The following TENM2 variants were observed in gnomAD, a reference collection of about 807,000 sequenced individuals.
The protein encoded by TENM2 is teneurin-2.
In TENM2, 52 loss-of-function variants were observed where a neutral mutation model predicts 245.2. That is an observed-to-expected ratio of 0.21 (90% CI 0.17 to 0.27). The LOEUF (loss-of-function observed/expected upper bound fraction) is 0.27, where lower values mean the gene tolerates loss of function less well. Ranked by LOEUF, TENM2 falls within the 10% of genes least tolerant of loss-of-function variation. TENM2 has a pLI of 1.00. For synonymous variants in TENM2, 1,363 were observed against 1,438.9 expected (o/e 0.95, Z 1.19); for missense variants, 3,046 against 3,666.8 (o/e 0.83, Z 4.37).
At chr5:167,302,387 G>A (rs1405943690) in intron 1 of TENM2, among the ~76,000 whole-genome samples, 1 of 151,898 alleles carries the variant, frequency 6.6e-6, no homozygotes, top group Non-Finnish European at 1.5e-5. Flanking sequence ...TCATAGTGAA[G>A]GAGGCAAGCC....
At chr5:167,628,202 T>C (rs1438783460) in intron 2 of TENM2, among the ~76,000 whole-genome samples, 2 of 152,190 alleles carry the variant, frequency 1.3e-5, no homozygotes, top group Non-Finnish European at 2.9e-5. Context: ...TCAGCCCTCT[T>C]CTGTCGTCGT....
chr5:167,632,605 C>T (rs1778946942), intron 2 of TENM2, among the ~76,000 whole-genome samples: 1 of 152,066 alleles, frequency 6.6e-6, no homozygotes, highest in South Asian at 2.1e-4. Flanking sequence ...TATTTTGTTG[C>T]TTTACTTTGG....
intron 1 of TENM2, among the ~76,000 whole-genome samples, chr5:167,315,576 A>G (rs75792835): frequency 1.3e-5 from 2 of 152,182 alleles, no homozygotes; most frequent in African/African-American, 4.8e-5. Context: ...AGTAAAACAG[A>G]AAGTGTTTAG....
At chr5:167,715,718 G>A (rs1759210075) in intron 2 of TENM2, among the ~76,000 whole-genome samples, 1 of 152,120 alleles carries the variant, frequency 6.6e-6, no homozygotes, top group Non-Finnish European at 1.5e-5. Flanking sequence ...GAGTCAAAAT[G>A]ACAGATGAAA....
intron 2 of TENM2, among the ~76,000 whole-genome samples, chr5:167,438,137 T>G (rs1482012684): frequency 6.6e-6 from 1 of 152,218 alleles, no homozygotes; most frequent in African/African-American, 2.4e-5. Flanking sequence ...ATTTGTAATC[T>G]GCTTTCAATC....
chr5:168,124,448 G>C (rs947017219), intron 10 of TENM2, among the ~76,000 whole-genome samples: 13 of 152,172 alleles, frequency 8.5e-5, no homozygotes, highest in African/African-American at 2.9e-4. Context: ...GGGCAATCCA[G>C]TTTGACGACA....
intron 3 of TENM2, among the ~76,000 whole-genome samples, chr5:167,895,938 C>T (rs111996221): frequency 6.6e-5 from 10 of 152,332 alleles, no homozygotes; most frequent in Admixed American, 4.6e-4. Context: ...CTGTTATAGA[C>T]GTTATGCAAC....
chr5:167,822,833 A>C (rs1366057313), intron 2 of TENM2, among the ~76,000 whole-genome samples: 1 of 152,256 alleles, frequency 6.6e-6, no homozygotes, highest in Non-Finnish European at 1.5e-5. Flanking sequence ...ATTTAGCATC[A>C]GTACCAATGC....
At chr5:167,306,002 C>T (rs1755652414) in intron 1 of TENM2, among the ~76,000 whole-genome samples, 3 of 152,230 alleles carry the variant, frequency 2.0e-5, no homozygotes, top group South Asian at 4.2e-4. Flanking sequence ...GCTGGCTTCT[C>T]AGTGGGAAAC....
chr5:167,828,367 TC>T (rs1462410335), intron 2 of TENM2, among the ~76,000 whole-genome samples: 1 of 152,178 alleles, frequency 6.6e-6, no homozygotes, highest in Non-Finnish European at 1.5e-5. Context: ...TTGCTCTGTT[TC>T]AGGATCCAGT....
At chr5:167,030,477 CTTTT>C in the TENM2 span, among the ~76,000 whole-genome samples, 1 of 152,126 alleles carries the variant, frequency 6.6e-6, no homozygotes, top group Admixed American at 6.5e-5. Flanking sequence ...CGCTTTCTCT[CTTTT>C]TTTATTTACC....
the TENM2 span, among the ~76,000 whole-genome samples, chr5:167,195,173 C>T: frequency 1.3e-5 from 2 of 152,034 alleles, no homozygotes; most frequent in Non-Finnish European, 2.9e-5. Context: ...GTATTCTCAG[C>T]TCTTAGAATT....
intron 4 of TENM2, among the ~76,000 whole-genome samples, chr5:167,987,170 A>G (rs956843748): frequency 6.6e-6 from 1 of 152,096 alleles, no homozygotes; most frequent in Admixed American, 6.6e-5. Context: ...ACTTCACCTA[A>G]AGACGCCCAC....
intron 5 of TENM2, among the ~76,000 whole-genome samples, chr5:167,995,782 A>G (rs1248679462): frequency 6.6e-6 from 1 of 152,234 alleles, no homozygotes; most frequent in African/African-American, 2.4e-5. Context: ...GCAGTATATT[A>G]TTACTTACAG....
At chr5:167,155,941 C>T in the TENM2 span, among the ~76,000 whole-genome samples, 19 of 152,214 alleles carry the variant, frequency 1.2e-4, no homozygotes, top group Admixed American at 2.6e-4. Context: ...ATTTCAGTAA[C>T]TGCTTCTGTT....
rs534738375 is a variant in TENM2 at position 167,461,390 on chromosome 5, A to G, written c.502+85917A>G. 1.2e-4 allele frequency among the ~76,000 whole-genome samples: 18 copies of G among 152,196 alleles called. 1 individual carries two copies. Among genetic ancestry groups the G allele is most frequent in the African/African-American group, 4.3e-4 (18 of 41,530 alleles). The stretch of plus-strand genomic sequence containing the variant: ...TCCATGTACTAGATGGCCTCAAGAG[A>G]CAGCTCCATTCCAGGAGGCTCTTCT... On this transcript the variant is annotated intron_variant, in intron 2 of 28. Coordinates refer to ENST00000518659, the Ensembl canonical transcript of TENM2.
chr5:167,316,853 T>C (rs536687631), intron 1 of TENM2, among the ~76,000 whole-genome samples: 72 of 152,304 alleles, frequency 4.7e-4, no homozygotes, highest in African/African-American at 1.7e-3. Flanking sequence ...TCATATTGCA[T>C]AAGACAGTTA....
In TENM2 at chr5:167,431,959, A is replaced by ATG. The variant is rs1423111686; in HGVS notation, c.502+56488_502+56489dup. On this transcript the variant is annotated intron_variant, in intron 2 of 28. Coordinates refer to ENST00000518659, the Ensembl canonical transcript of TENM2. ...TATATACATATATATGTATATATAT[A>ATG]TGTATATATATATATATATGGAAGT... Among the ~76,000 whole-genome samples, 166 of 38,430 alleles carry ATG rather than the reference A, an allele frequency of 4.3e-3. 1 individual carries two copies. Among genetic ancestry groups the ATG allele is most frequent in the African/African-American group, 0.01 (142 of 13,726 alleles). The allele number at this position is 38,430 out of a possible 152,430, so 25.2% of individuals were successfully genotyped here.
At chr5:167,572,081 A>T (rs763434143) in intron 2 of TENM2, among the ~76,000 whole-genome samples, 1 of 152,168 alleles carries the variant, frequency 6.6e-6, no homozygotes, top group Non-Finnish European at 1.5e-5. Flanking sequence ...CCTTAATGAT[A>T]AGTAGAGTTT....
Sources: gnomAD v4.1 joint callset for allele counts (sites outside exome capture counted in the v4.1 genomes callset) on GRCh38, gnomAD v4.1.1 for gene constraint, MANE v1.5 for transcripts, NCBI Gene and HGNC (gene_info 2026-07-23, HGNC 2026-07-21) for gene names.